The following ADAMTS18 variants were observed in gnomAD, a reference collection of about 807,000 sequenced individuals.
ADAMTS18 encodes the protein ADAM metallopeptidase with thrombospondin type 1 motif 18.
ADAMTS18 carries 157 observed loss-of-function variants against 165.9 expected under a neutral mutation model. That is an observed-to-expected ratio of 0.95 (90% confidence interval 0.83 to 1.08). ADAMTS18 has a LOEUF of 1.08. Among genes scored for constraint, ADAMTS18 ranks in the 50% least tolerant of loss-of-function variants. The probability of loss-of-function intolerance (pLI) is 0.00; values close to 1 mark genes in which losing one functional copy is unlikely to be tolerated. For synonymous variants in ADAMTS18, 782 were observed against 578.2 expected, an observed-to-expected ratio of 1.35 and a Z score of -5.06; for missense variants, 2,040 against 1,534.0, an observed-to-expected ratio of 1.33 and a Z score of -5.51.
At chr16:77,358,740 C>G (rs2056668432) in intron 8 of ADAMTS18, among the ~76,000 whole-genome samples, 5 of 152,148 alleles carry the variant, frequency 3.3e-5, no homozygotes. Flanking sequence ...ACTGGTATAT[C>G]TGAAGAGTAC....
intron 10 of ADAMTS18, among the ~76,000 whole-genome samples, chr16:77,349,422 A>G (rs192392676): frequency 6.6e-5 from 10 of 150,552 alleles, no homozygotes; most frequent in Admixed American, 4.0e-4. Flanking sequence ...ACACAAATGC[A>G]TATCTGATTG....
chr16:77,318,048 G>C (rs965243293), intron 16 of ADAMTS18, among the ~76,000 whole-genome samples: 1 of 152,154 alleles, frequency 6.6e-6, no homozygotes, highest in Non-Finnish European at 1.5e-5. Flanking sequence ...ATAGTCTTAT[G>C]TGAATTAACA....
intron 12 of ADAMTS18, among the ~76,000 whole-genome samples, chr16:77,335,035 T>A (rs1432945810): frequency 6.9e-6 from 1 of 145,536 alleles, no homozygotes; most frequent in Non-Finnish European, 1.5e-5. Context: ...TACTATATAT[T>A]AATAGTAATT....
chr16:77,374,079 C>T (rs919065078), intron 3 of ADAMTS18, among the ~76,000 whole-genome samples: 4 of 151,934 alleles, frequency 2.6e-5, no homozygotes, highest in Non-Finnish European at 4.4e-5. Flanking sequence ...ATTAGCCCGG[C>T]GTGGTGGCAG....
chr16:77,325,830 T>G (rs377706486), intron 13 of ADAMTS18, 36 bp downstream of exon 13: 1 of 1,582,774 alleles, frequency 6.3e-7, no homozygotes. Flanking sequence ...ATTATCCACA[T>G]AGAGACTTAT....
intron 3 of ADAMTS18, among the ~76,000 whole-genome samples, chr16:77,429,195 T>G (rs75229093): frequency 6.6e-6 from 1 of 152,150 alleles, no homozygotes; most frequent in African/African-American, 2.4e-5. Context: ...TAAATGCCCA[T>G]CAATGACAGA....
intron 3 of ADAMTS18, among the ~76,000 whole-genome samples, chr16:77,371,764 G>A (rs912834396): frequency 2.6e-5 from 4 of 152,078 alleles, no homozygotes; most frequent in South Asian, 2.1e-4. Context: ...AGCAAAAACA[G>A]AGAAATGGAA....
At chr16:77,429,879 C>T (rs1455471280) in intron 3 of ADAMTS18, among the ~76,000 whole-genome samples, 1 of 152,174 alleles carries the variant, frequency 6.6e-6, no homozygotes, top group Non-Finnish European at 1.5e-5. Flanking sequence ...GATGTAAACT[C>T]TTGTTATTCC....
chr16:77,314,625 A>ATG lies in ADAMTS18; in HGVS notation c.2532+5222_2532+5223dup, dbSNP rs199832008. Reference sequence around the variant, plus strand: ...AAAACTCTGTCTCAAAAAAAAAAAAATGTGTGTGTATGTGTGTGTGTGTGT... The same window carrying ATG: ...AAAACTCTGTCTCAAAAAAAAAAAAATGTGTGTGTGTATGTGTGTGTGTGTGT... On this transcript the variant is annotated intron_variant, in intron 16 of 22. Transcript: ENST00000282849. Among the ~76,000 whole-genome samples, 79 of 132,570 alleles carry ATG rather than the reference A, an allele frequency of 6.0e-4. 2 individuals are homozygous for ATG. Among genetic ancestry groups the ATG allele is most frequent in the Admixed American group, 1.8e-3 (23 of 12,898 alleles). The allele number at this position is 132,570 out of a possible 152,430, so 87.0% of individuals were successfully genotyped here.
Position 77,431,309 on chromosome 16 carries a change from T to C in ADAMTS18, c.481A>G (p.Thr161Ala), listed in dbSNP as rs761616832. Reference protein sequence around the residue: ...NDSSSSVAVSTCAGLSGLIRT... With the variant: ...NDSSSSVAVSACAGLSGLIRT... ...GGTGTACTTACCAAGCCAGCACACG[T>C]AGACACAGCGACAGAGGAGGAGCTG... Residue 161 changes from threonine (T) to alanine (A), a missense_variant, in exon 3 of 23, where the codon ACG (threonine) becomes GCG (alanine). Transcript: ENST00000282849. The C allele has an allele frequency of 6.8e-6, 11 of 1,614,136 alleles. No homozygotes were observed. In the South Asian group the frequency reaches 9.9e-5, roughly 15 times the overall value.
intron 3 of ADAMTS18, among the ~76,000 whole-genome samples, chr16:77,412,756 A>T (rs1315477473): frequency 6.6e-6 from 1 of 152,156 alleles, no homozygotes; most frequent in Non-Finnish European, 1.5e-5. Flanking sequence ...CACTACCACA[A>T]GAACAGTATG....
chr16:77,360,516 C>G lies in ADAMTS18; in HGVS notation c.1217-1093G>C, dbSNP rs538980841. Among the ~76,000 whole-genome samples, 165 of 152,260 alleles carry G rather than the reference C, an allele frequency of 1.1e-3. 2 individuals carry two copies. Among genetic ancestry groups the G allele is most frequent in the African/African-American group, 3.7e-3 (155 of 41,550 alleles). On this transcript the variant is annotated intron_variant, in intron 7 of 22. Coordinates refer to ENST00000282849, the MANE Select transcript of ADAMTS18 (RefSeq NM_199355.4). The stretch of plus-strand genomic sequence containing the variant: ...TTTCTGGTGTTTTGTTTTTTCCAAG[C>G]CTTTTAGTACATTTTGGTCTCTGGA...
intron 3 of ADAMTS18, among the ~76,000 whole-genome samples, chr16:77,399,714 C>G (rs951110098): frequency 6.6e-6 from 1 of 152,158 alleles, no homozygotes; most frequent in Admixed American, 6.5e-5. Flanking sequence ...CTTGGTTACA[C>G]TAAGCATTCA....
chr16:77,387,388 T>C (rs982625525), intron 3 of ADAMTS18, among the ~76,000 whole-genome samples: 3 of 152,188 alleles, frequency 2.0e-5, no homozygotes, highest in Non-Finnish European at 2.9e-5. Context: ...CGGGATAAAT[T>C]ATATTTCATA....
chr16:77,338,501 T>G (rs1331030621), intron 11 of ADAMTS18, among the ~76,000 whole-genome samples: 1 of 151,932 alleles, frequency 6.6e-6, no homozygotes, highest in Non-Finnish European at 1.5e-5. Context: ...CCCCCCAAAG[T>G]GCTGAGATTA....
chr16:77,354,716 G>C (rs1054558314), intron 9 of ADAMTS18, among the ~76,000 whole-genome samples: 1 of 152,160 alleles, frequency 6.6e-6, no homozygotes, highest in African/African-American at 2.4e-5. Context: ...GTTCAAATGA[G>C]AAAATATAAC....
chr16:77,330,411 G>T (rs375619896), intron 12 of ADAMTS18, among the ~76,000 whole-genome samples: 4 of 152,284 alleles, frequency 2.6e-5, no homozygotes, highest in East Asian at 3.9e-4. Flanking sequence ...AAGACTATGG[G>T]AACTTAATCT....
At chr16:77,418,794 T>C (rs531865621) in intron 3 of ADAMTS18, among the ~76,000 whole-genome samples, 1 of 152,348 alleles carries the variant, frequency 6.6e-6, no homozygotes, top group African/African-American at 2.4e-5. Context: ...GCACTATAGA[T>C]ATTTTCTGTA....
intron 3 of ADAMTS18, among the ~76,000 whole-genome samples, chr16:77,384,375 C>T (rs934619102): frequency 1.3e-5 from 2 of 152,208 alleles, no homozygotes; most frequent in African/African-American, 4.8e-5. Context: ...TAGTTTCTCT[C>T]TCTTTCCCTG....
Sources: allele counts gnomAD v4.1 joint callset (sites outside exome capture counted in the v4.1 genomes callset), GRCh38; gene constraint gnomAD v4.1.1; transcripts MANE v1.5; gene names NCBI Gene and HGNC (gene_info 2026-07-23, HGNC 2026-07-21).